Variants in PEX14 observed in about 807,000 individuals in gnomAD.
PEX14 encodes peroxisomal membrane protein PEX14.
In PEX14, 15 loss-of-function variants were observed where a neutral mutation model predicts 49.5. The ratio of observed to expected loss-of-function variants is 0.30; its 90% CI spans 0.20 to 0.47. The LOEUF is 0.47. PEX14 is among the 20% of genes least tolerant of loss of function. PEX14 has a pLI of 1.00. For missense variants in PEX14, 398 were observed against 494.8 expected, an observed-to-expected ratio of 0.80 and a Z score of 1.86; for synonymous variants, 210 against 212.7, an observed-to-expected ratio of 0.99 and a Z score of 0.11.
chr1:10,627,589 C>T (rs1641787801), intron 8 of PEX14, among the ~76,000 whole-genome samples: 1 of 152,218 alleles, frequency 6.6e-6, no homozygotes, highest in African/African-American at 2.4e-5. Flanking sequence ...TTTTGAAATA[C>T]AGTTCCCAGG....
At chr1:10,544,326 A>G (rs970933186) in intron 3 of PEX14, among the ~76,000 whole-genome samples, 11 of 152,202 alleles carry the variant, frequency 7.2e-5, no homozygotes, top group African/African-American at 2.7e-4. Context: ...AAGTTGAGCT[A>G]ATACATGGCA....
intron 3 of PEX14, among the ~76,000 whole-genome samples, chr1:10,538,684 G>T (rs1347315089): frequency 1.3e-5 from 2 of 152,252 alleles, no homozygotes; most frequent in Non-Finnish European, 1.5e-5. Flanking sequence ...AGCACGGCCT[G>T]GCACCGTCTC....
intron 3 of PEX14, among the ~76,000 whole-genome samples, chr1:10,583,324 G>A (rs968114683): frequency 7.3e-5 from 11 of 150,128 alleles, no homozygotes; most frequent in Non-Finnish European, 1.5e-4. Flanking sequence ...GGCTCAAGCA[G>A]TCCTCCTGCT....
At chr1:10,486,689 CTTTT>C (rs34311886) in intron 1 of PEX14, among the ~76,000 whole-genome samples, 1 of 135,448 alleles carries the variant, frequency 7.4e-6, no homozygotes, top group Admixed American at 7.5e-5. Context: ...GACTCTGTCT[CTTTT>C]TTTTTTTTTT....
intron 3 of PEX14, among the ~76,000 whole-genome samples, chr1:10,564,598 T>G (rs1398242660): frequency 6.5e-5 from 1 of 15,354 alleles, no homozygotes; most frequent in Non-Finnish European, 6.9e-4. Context: ...TTTCTTTCTT[T>G]TTTTTTTTTT....
intron 2 of PEX14, among the ~76,000 whole-genome samples, chr1:10,507,536 G>A (rs1641805139): frequency 6.6e-6 from 1 of 152,228 alleles, no homozygotes; most frequent in East Asian, 1.9e-4. Flanking sequence ...ACTAATGACA[G>A]GTTATGGGAT....
At chr1:10,620,666 T>G (rs1269229898) in intron 5 of PEX14, among the ~76,000 whole-genome samples, 2 of 151,954 alleles carry the variant, frequency 1.3e-5, no homozygotes, top group Non-Finnish European at 2.9e-5. Flanking sequence ...CGTGCACCTG[T>G]AATCCCAGCT....
intron 3 of PEX14, among the ~76,000 whole-genome samples, chr1:10,584,513 G>C (rs1640423238): frequency 6.6e-6 from 1 of 152,210 alleles, no homozygotes; most frequent in Non-Finnish European, 1.5e-5. Flanking sequence ...GGGGTAGGGT[G>C]TGATGTCTGT....
chr1:10,573,696 T>G (rs1337815828), intron 3 of PEX14, among the ~76,000 whole-genome samples: 1 of 152,216 alleles, frequency 6.6e-6, no homozygotes, highest in Non-Finnish European at 1.5e-5. Context: ...TCAAGTTAAG[T>G]ACATGCTTGT....
At chr1:10,523,826 A>T (rs1638379742) in intron 2 of PEX14, among the ~76,000 whole-genome samples, 1 of 11,470 alleles carries the variant, frequency 8.7e-5, no homozygotes, top group African/African-American at 1.3e-4. Flanking sequence ...CCTTTTAGTT[A>T]AAAAAAAAAA....
In PEX14 at chr1:10,606,172, C is replaced by A. The variant is rs141827364; in HGVS notation, c.298+6806C>A. Among the ~76,000 whole-genome samples, 773 of 152,238 alleles carry A rather than the reference C, an allele frequency of 5.1e-3. 19 individuals are homozygous for A. Among genetic ancestry groups the A allele is most frequent in the Admixed American group, 0.043 (665 of 15,296 alleles). ...TCTCTATTACATAAATGTAGGCAGC[C>A]CAGGCTGCCAGGAGGCTCTGTGGTC... is the stretch of plus-strand genomic sequence containing the variant. On this transcript the variant is annotated intron_variant, in intron 4 of 8. Coordinates refer to ENST00000356607, the MANE Select transcript of PEX14 (RefSeq NM_004565.3).
intron 3 of PEX14, among the ~76,000 whole-genome samples, chr1:10,584,925 A>C (rs1411316221): frequency 6.6e-6 from 1 of 152,234 alleles, no homozygotes; most frequent in African/African-American, 2.4e-5. Flanking sequence ...TGTGGATTTT[A>C]ACATACATTA....
At chr1:10,522,588 C>T (rs961198109) in intron 2 of PEX14, among the ~76,000 whole-genome samples, 1 of 152,244 alleles carries the variant, frequency 6.6e-6, no homozygotes, top group African/African-American at 2.4e-5. Context: ...CAAACAGCAT[C>T]TTTCCTGCTT....
At position 10,480,841 on chromosome 1, in the gene PEX14, T is replaced by C. The variant is rs547212171; in HGVS notation, c.36+5839T>C. Among the ~76,000 whole-genome samples, 424 of 148,482 alleles carry C rather than the reference T, an allele frequency of 2.9e-3. 2 individuals carry two copies. The highest frequency in any genetic ancestry group is 0.01 in the Middle Eastern group (3 of 288). On this transcript the variant is annotated intron_variant, in intron 1 of 8. Coordinates refer to ENST00000356607, the MANE Select transcript of PEX14 (RefSeq NM_004565.3). ...GCTTTATGTCAGTCTCTCTCTCTCT[T>C]TCTCTCTCTCTCTCTCTCTATATAT...
intron 4 of PEX14, among the ~76,000 whole-genome samples, chr1:10,617,840 G>A (rs893718075): frequency 3.3e-5 from 5 of 149,368 alleles, no homozygotes; most frequent in Non-Finnish European, 5.9e-5. Flanking sequence ...GCCCACCCCC[G>A]TGCCCCCACC....
At chr1:10,565,963 T>A (rs1233018999) in intron 3 of PEX14, among the ~76,000 whole-genome samples, 1 of 152,242 alleles carries the variant, frequency 6.6e-6, no homozygotes, top group Admixed American at 6.5e-5. Context: ...ATTTGTTTAT[T>A]TATTTACATG....
At chr1:10,563,429 A>T (rs1235104666) in intron 3 of PEX14, among the ~76,000 whole-genome samples, 1 of 150,214 alleles carries the variant, frequency 6.7e-6, no homozygotes, top group Non-Finnish European at 1.5e-5. Flanking sequence ...AAGAAACCCC[A>T]TCTCTACTAA....
chr1:10,601,241 G>A (rs1394147375), intron 4 of PEX14, among the ~76,000 whole-genome samples: 1 of 126,028 alleles, frequency 7.9e-6, no homozygotes, highest in Non-Finnish European at 1.6e-5. Context: ...CAGCTTGGGT[G>A]ACAAGAGCAA....
At chr1:10,562,619 C>T (rs573664264) in intron 3 of PEX14, among the ~76,000 whole-genome samples, 4 of 152,180 alleles carry the variant, frequency 2.6e-5, no homozygotes, top group Non-Finnish European at 5.9e-5. Flanking sequence ...GTCTTTCCGG[C>T]ATCATAAAAG....
Sources: allele counts gnomAD v4.1 joint callset (sites outside exome capture counted in the v4.1 genomes callset), GRCh38; gene constraint gnomAD v4.1.1; transcripts MANE v1.5; gene names NCBI Gene and HGNC (gene_info 2026-07-23, HGNC 2026-07-21).